Variants in MYO1D observed in about 807,000 individuals in gnomAD.
MYO1D encodes the protein myosin ID.
A neutral mutation model predicts 122.0 loss-of-function variants in MYO1D; 83 were observed. The ratio of observed to expected loss-of-function variants is 0.68; its 90% CI spans 0.57 to 0.82. MYO1D has a LOEUF of 0.82. Among genes scored for constraint, MYO1D ranks in the 40% least tolerant of loss-of-function variants. The pLI is 0.00. For missense variants in MYO1D, 1,157 were observed against 1,269.5 expected (o/e 0.91, Z 1.35); for synonymous variants, 464 against 446.9 (o/e 1.04, Z -0.48).
intron 16 of MYO1D, among the ~76,000 whole-genome samples, chr17:32,687,605 A>G (rs2089036719): frequency 6.6e-6 from 1 of 152,134 alleles, no homozygotes; most frequent in Non-Finnish European, 1.5e-5. Flanking sequence ...AGTCTCCCAA[A>G]GTGCTGGGAT....
At chr17:32,798,380 C>T (rs1310334250) in intron 1 of MYO1D, among the ~76,000 whole-genome samples, 1 of 152,142 alleles carries the variant, frequency 6.6e-6, no homozygotes, top group Non-Finnish European at 1.5e-5. Context: ...CCTTATACTT[C>T]CTATATCTGG....
intron 21 of MYO1D, among the ~76,000 whole-genome samples, chr17:32,570,489 A>C (rs955143634): frequency 2.0e-5 from 3 of 152,060 alleles, no homozygotes; most frequent in African/African-American, 7.2e-5. Flanking sequence ...CTCAGCCTCC[A>C]AGTAGCTGGG....
intron 1 of MYO1D, among the ~76,000 whole-genome samples, chr17:32,802,199 G>A (rs974914379): frequency 1.3e-5 from 2 of 152,162 alleles, no homozygotes; most frequent in Non-Finnish European, 2.9e-5. Flanking sequence ...TTTGTTTAAA[G>A]TACCTAATAT....
In MYO1D at chr17:32,494,754, G is replaced by T; in HGVS notation, c.*5C>A. 6.3e-7 allele frequency: 1 copy of T among 1,594,292 alleles called. No individual in the cohort carries two copies. The highest frequency in any genetic ancestry group is 2.3e-5 in the East Asian group (1 of 43,602). ...CCGGGCTCCGGGCCAGGCCTCCGCGGGGCGTCAGTTCCCGGGCACGCTGAG... is the reference window on the plus strand; with the variant it reads ...CCGGGCTCCGGGCCAGGCCTCCGCGTGGCGTCAGTTCCCGGGCACGCTGAG... On this transcript the variant is annotated 3_prime_UTR_variant, in exon 22 of 22. Coordinates refer to ENST00000318217, the MANE Select transcript of MYO1D (RefSeq NM_015194.3).
At chr17:32,610,123 A>G (rs149190722) in intron 20 of MYO1D, among the ~76,000 whole-genome samples, 54 of 152,264 alleles carry the variant, frequency 3.5e-4, no homozygotes, top group African/African-American at 1.2e-3. Flanking sequence ...TTCAGGGAAA[A>G]GAGACAGATT....
At chr17:32,824,727 T>C (rs2090706232) in intron 1 of MYO1D, among the ~76,000 whole-genome samples, 1 of 152,218 alleles carries the variant, frequency 6.6e-6, no homozygotes, top group South Asian at 2.1e-4. Context: ...CCATTTCTAG[T>C]AAATAGAAAA....
intron 21 of MYO1D, among the ~76,000 whole-genome samples, chr17:32,583,868 G>A (rs912553077): frequency 6.6e-6 from 1 of 152,052 alleles, no homozygotes; most frequent in African/African-American, 2.4e-5. Context: ...ACCTCCCAAA[G>A]TGTTTGGATT....
At chr17:32,566,686 G>C (rs1162803045) in intron 21 of MYO1D, among the ~76,000 whole-genome samples, 1 of 151,330 alleles carries the variant, frequency 6.6e-6, no homozygotes, top group South Asian at 2.1e-4. Context: ...TCAATTAATA[G>C]TAGTAACATG....
At chr17:32,547,634 G>A (rs760131105) in intron 21 of MYO1D, among the ~76,000 whole-genome samples, 4 of 152,198 alleles carry the variant, frequency 2.6e-5, no homozygotes, top group African/African-American at 4.8e-5. Flanking sequence ...CTCAGCCTGA[G>A]TATTTCCAGT....
chr17:32,521,332 T>C (rs1267173983), intron 21 of MYO1D, among the ~76,000 whole-genome samples: 1 of 152,174 alleles, frequency 6.6e-6, no homozygotes, highest in African/African-American at 2.4e-5. Context: ...TTGTCTCTCA[T>C]AGCACTCATG....
Position 32,858,294 on chromosome 17 carries a change from T to C in MYO1D, c.95+18484A>G, listed in dbSNP as rs9915035. 9.2e-3 allele frequency among the ~76,000 whole-genome samples: 1,400 copies of C among 152,316 alleles called. 20 individuals are homozygous for C. The highest frequency in any genetic ancestry group is 0.031 in the African/African-American group (1,286 of 41,560). Reference sequence around the variant, plus strand: ...TCAATATCAGGAGATTAACATATGATATATTGCTAAGATTTAATTCTTGAA... The same window carrying C: ...TCAATATCAGGAGATTAACATATGACATATTGCTAAGATTTAATTCTTGAA... On this transcript the variant is annotated intron_variant, in intron 1 of 21. Transcript: ENST00000318217.
intron 1 of MYO1D, among the ~76,000 whole-genome samples, chr17:32,856,116 T>C (rs1175266855): frequency 6.6e-6 from 1 of 152,158 alleles, no homozygotes; most frequent in Admixed American, 6.5e-5. Flanking sequence ...TGAAATAGTA[T>C]AGACCACACA....
intron 21 of MYO1D, chr17:32,529,030 G>A (rs1910431825): frequency 6.6e-6 from 1 of 152,206 alleles, no homozygotes; most frequent in African/African-American, 2.4e-5. Context: ...TGAGACTTCT[G>A]GTTTACTTCC....
intron 21 of MYO1D, among the ~76,000 whole-genome samples, chr17:32,575,396 AT>A (rs1237645071): frequency 1.3e-5 from 2 of 152,258 alleles, no homozygotes; most frequent in Non-Finnish European, 2.9e-5. Flanking sequence ...ACTGATGAAA[AT>A]TTTGAAAGAG....
chr17:32,828,021 T>C (rs972290527), intron 1 of MYO1D, among the ~76,000 whole-genome samples: 1 of 152,142 alleles, frequency 6.6e-6, no homozygotes, highest in African/African-American at 2.4e-5. Flanking sequence ...CCGCTAAATA[T>C]TGGACAAAGA....
chr17:32,500,574 G>C (rs60177326), intron 21 of MYO1D, among the ~76,000 whole-genome samples: 3,161 of 152,290 alleles, frequency 0.021, 97 homozygotes, highest in African/African-American at 0.07. Context: ...AGAAGAGGGG[G>C]TTGAGTGACT....
chr17:32,862,746 G>A (rs1463006374), intron 1 of MYO1D, among the ~76,000 whole-genome samples: 1 of 152,214 alleles, frequency 6.6e-6, no homozygotes, highest in African/African-American at 2.4e-5. Context: ...ACAGAACTAA[G>A]AACACTGACT....
At position 32,825,331 on chromosome 17, in the gene MYO1D, G is replaced by A. The variant is rs148701188; in HGVS notation, c.96-44547C>T. On this transcript the variant is annotated intron_variant, in intron 1 of 21. Coordinates refer to ENST00000318217, the MANE Select transcript of MYO1D (RefSeq NM_015194.3). Reference sequence around the variant, plus strand: ...TTTTGACACAGTGTTTTGCTCCAATGTCTAGGCTGGAGTACAGTGGTGTGA... The same window carrying A: ...TTTTGACACAGTGTTTTGCTCCAATATCTAGGCTGGAGTACAGTGGTGTGA... Among the ~76,000 whole-genome samples the A allele has an allele frequency of 2.2e-3, 334 of 152,000 alleles. 6 individuals are homozygous for A. The highest frequency in any genetic ancestry group is 7.6e-3 in the African/African-American group (314 of 41,456).
intron 1 of MYO1D, among the ~76,000 whole-genome samples, chr17:32,803,481 T>C (rs942094680): frequency 7.9e-5 from 12 of 152,208 alleles, no homozygotes; most frequent in African/African-American, 2.9e-4. Context: ...GCTGGAAATA[T>C]GTATTTTAAA....
Sources: gnomAD v4.1 joint callset for allele counts (sites outside exome capture counted in the v4.1 genomes callset) on GRCh38, gnomAD v4.1.1 for gene constraint, MANE v1.5 for transcripts, NCBI Gene and HGNC (gene_info 2026-07-23, HGNC 2026-07-21) for gene names.